Variants in SORL1 observed in about 807,000 individuals in gnomAD.
SORL1 encodes the protein sortilin related receptor 1, also known as sortilin-related receptor.
SORL1 carries 127 observed loss-of-function variants against 273.7 expected under a neutral mutation model. That is an observed-to-expected ratio of 0.46 (90% CI 0.40 to 0.54). The LOEUF (loss-of-function observed/expected upper bound fraction) is 0.54, where lower values mean the gene tolerates loss of function less well. Among genes scored for constraint, SORL1 ranks in the 20% least tolerant of loss-of-function variants. The probability of loss-of-function intolerance (pLI) is 0.00; values close to 1 mark genes in which losing one functional copy is unlikely to be tolerated. For synonymous variants in SORL1, 1,031 were observed against 1,067.4 expected (o/e 0.97, Z 0.66); for missense variants, 2,494 against 2,846.1 (o/e 0.88, Z 2.81).
At chr11:121,453,314 T>A (rs925644881) in intron 1 of SORL1, among the ~76,000 whole-genome samples, 9 of 152,170 alleles carry the variant, frequency 5.9e-5, no homozygotes, top group African/African-American at 1.9e-4. Context: ...GCATTATTAT[T>A]CTATAAGTGA....
chr11:121,576,838 G>A (rs1422224975), intron 24 of SORL1: 51 of 1,534,514 alleles, frequency 3.3e-5, no homozygotes, highest in Non-Finnish European at 4.2e-5. Flanking sequence ...GCATCTCACG[G>A]TGATCAGCTC....
intron 45 of SORL1, among the ~76,000 whole-genome samples, chr11:121,623,790 T>G (rs1316512573): frequency 6.6e-6 from 1 of 152,228 alleles, no homozygotes; most frequent in Non-Finnish European, 1.5e-5. Context: ...GTGGAGGGTC[T>G]GGCATAGGCA....
rs190695376 is a variant in SORL1, at chr11:121,513,878, C to T, written c.1042-274C>T. 2.1e-3 allele frequency among the ~76,000 whole-genome samples: 325 copies of T among 152,286 alleles called. 6 individuals are homozygous for T. Among genetic ancestry groups the T allele is most frequent in the Non-Finnish European group, 3.4e-4 (23 of 68,030 alleles). ...GGGAAAATGAGGGAGACATTATTAA[C>T]GGAAAGAGGTTTGTAGGTCATTTGT... is the stretch of plus-strand genomic sequence containing the variant. On this transcript the variant is annotated intron_variant, in intron 7 of 47. Transcript: ENST00000260197.
intron 27 of SORL1, among the ~76,000 whole-genome samples, chr11:121,587,744 G>T (rs1326448482): frequency 6.6e-6 from 1 of 152,152 alleles, no homozygotes; most frequent in African/African-American, 2.4e-5. Context: ...CATCAGCTGT[G>T]TACTCTTGGC....
intron 41 of SORL1, 109 bp from the exon 42 acceptor site, chr11:121,618,665 C>T (rs1863673910): frequency 3.4e-5 from 45 of 1,332,140 alleles, no homozygotes; most frequent in Middle Eastern, 2.0e-4. Flanking sequence ...ATGAAGACTT[C>T]TCTGTGAGCT....
rs368806137 is a variant in SORL1, at chr11:121,559,613, C to T, written c.3005C>T (p.Thr1002Met). Residue 1002 changes from threonine to methionine, a missense_variant, in exon 21 of 48, where the codon ACG (threonine) becomes ATG (methionine). Physicochemically the swap from Thr to Met is moderately conservative, Grantham distance 81. This residue lies in a region of SORL1 where 1,609 missense variants were observed against 1,816.4 expected (regional missense o/e 0.89). Coordinates refer to ENST00000260197, the MANE Select transcript of SORL1 (RefSeq NM_003105.6). The stretch of plus-strand genomic sequence containing the variant: ...ATGGAGATTCTGGCAAACCAGCTCA[C>T]GGGGCTCATGGACATGAAGATTTTC... Reference protein sequence around the residue: ...SQMEILANQLTGLMDMKIFYK... With the variant: ...SQMEILANQLMGLMDMKIFYK... 168 of 1,613,974 alleles carry T rather than the reference C, an allele frequency of 1.0e-4. No individual in the cohort carries two copies. The highest frequency in any genetic ancestry group is 1.1e-4 in the Non-Finnish European group (135 of 1,179,994).
At chr11:121,628,415 G>T (rs907360827) in intron 47 of SORL1, among the ~76,000 whole-genome samples, 3 of 152,136 alleles carry the variant, frequency 2.0e-5, no homozygotes, top group African/African-American at 4.8e-5. Context: ...TCCCTTGCAC[G>T]CTCAGTTCAC....
At chr11:121,532,689 T>A in intron 12 of SORL1, 137 bp downstream of exon 12, 3 of 404,592 alleles carry the variant, frequency 7.4e-6, no homozygotes, top group South Asian at 4.8e-5. Flanking sequence ...GAGTTAAACT[T>A]TTTTTTTTTT....
chr11:121,490,419 A>G (rs1861535174), intron 5 of SORL1, among the ~76,000 whole-genome samples: 2 of 4,034 alleles, frequency 5.0e-4, no homozygotes, highest in Non-Finnish European at 8.8e-4. Flanking sequence ...GCATCATATT[A>G]GAAGTGGGAG....
At position 121,595,641 on chromosome 11, in the gene SORL1, C is replaced by T. The variant is rs768288487; in HGVS notation, c.4388C>T (p.Ser1463Phe). The T allele has an allele frequency of 3.1e-6, 5 of 1,607,808 alleles. No homozygotes were observed. The African/African-American group carries it at 6.7e-5, about 21-fold the overall frequency. ...ATTTTAGCAAACGTCACTGCTGCCT[C>T]CACTCCCACCCAACTTGGGCGATGT... ...CPLLANVTAASTPTQLGRCDR... is the reference protein window; with the variant it reads ...CPLLANVTAAFTPTQLGRCDR... Residue 1463 changes from serine to phenylalanine, a missense_variant, in exon 32 of 48, where the codon TCC becomes TTC. Ser to Phe is a radical substitution (Grantham distance 155). Transcript: ENST00000260197. This position sits in a 1 kb window ranked among gnomAD's most constrained non-coding sequence, Gnocchi z 5.1.
chr11:121,543,212 G>GA (rs1247016589), intron 12 of SORL1, among the ~76,000 whole-genome samples: 1 of 150,070 alleles, frequency 6.7e-6, no homozygotes, highest in African/African-American at 2.5e-5. Flanking sequence ...AAAAAAAAAA[G>GA]AAAAAAATTT....
chr11:121,613,421 G>A (rs1863595827), intron 40 of SORL1, among the ~76,000 whole-genome samples: 1 of 152,198 alleles, frequency 6.6e-6, no homozygotes, highest in African/African-American at 2.4e-5. Flanking sequence ...TAACTGTTGA[G>A]AATGACTTGG....
chr11:121,591,531 GGA>G (rs1280653613), intron 31 of SORL1, among the ~76,000 whole-genome samples: 1 of 152,154 alleles, frequency 6.6e-6, no homozygotes, highest in Non-Finnish European at 1.5e-5. Context: ...TAAACTCTGG[GGA>G]GAGAGCCCAA....
At chr11:121,486,856 G>A (rs1326563147) in intron 3 of SORL1, among the ~76,000 whole-genome samples, 1 of 152,084 alleles carries the variant, frequency 6.6e-6, no homozygotes, top group Non-Finnish European at 1.5e-5. Flanking sequence ...AACTACCTGG[G>A]AGGCTGAGGT....
intron 1 of SORL1, among the ~76,000 whole-genome samples, chr11:121,453,497 A>T (rs1860846550): frequency 6.6e-6 from 1 of 152,160 alleles, no homozygotes; most frequent in Non-Finnish European, 1.5e-5. Flanking sequence ...TGCAGTTAAG[A>T]TTGACATCAG....
chr11:121,582,960 A>G (rs934893854), intron 25 of SORL1, among the ~76,000 whole-genome samples: 3 of 152,232 alleles, frequency 2.0e-5, no homozygotes, highest in South Asian at 4.1e-4. Context: ...TGGCTGCACC[A>G]GGTCCAGGAC....
At chr11:121,458,809 TGAGTTTCCTCC>T (rs1860947159) in intron 1 of SORL1, among the ~76,000 whole-genome samples, 2 of 152,244 alleles carry the variant, frequency 1.3e-5, no homozygotes, top group Admixed American at 6.5e-5. Context: ...GATCAAGATT[TGAGTTTCCTCC>T]TGTGTTATTG....
Position 121,496,851 on chromosome 11 carries a change from T to C in SORL1, c.759-18T>C. The C allele has an allele frequency of 6.5e-7, 1 of 1,531,886 alleles. No individual in the cohort carries two copies. Among genetic ancestry groups the C allele is most frequent in the Non-Finnish European group, 8.8e-7 (1 of 1,135,808 alleles). The allele number at this position is 1,531,886 out of a possible 1,614,324, so 94.9% of individuals were successfully genotyped here. A position where few individuals can be genotyped will look rare whatever the true frequency, so the allele number is the denominator to read the frequency against. ...TAAATGTGCAAATGATAACAACCTTTTTTTTTTTTTCTGCCAGGGGAATTG... is the reference window on the plus strand; with the variant it reads ...TAAATGTGCAAATGATAACAACCTTCTTTTTTTTTTCTGCCAGGGGAATTG... On this transcript the variant is annotated intron_variant, in intron 5 of 47. Transcript: ENST00000260197.
At position 121,605,501 on chromosome 11, in the gene SORL1, A is replaced by T; in HGVS notation, c.4878A>T (p.Lys1626Asn). ...VLKPDTTYQV[K>N]VQVQCLSKAH... ...AACCAGATACCACGTATCAGGTTAAAGTACAGGTTCAGTGTCTCAGCAAGG... is the reference window on the plus strand; with the variant it reads ...AACCAGATACCACGTATCAGGTTAATGTACAGGTTCAGTGTCTCAGCAAGG... Residue 1626 changes from lysine to asparagine, a missense_variant, in exon 35 of 48, where the codon AAA becomes AAT. Physicochemically the swap from Lys to Asn is moderately conservative, Grantham distance 94. Transcript: ENST00000260197. 1.2e-6 allele frequency: 2 copies of T among 1,614,220 alleles called. No individual in the cohort carries two copies. The highest frequency in any genetic ancestry group is 1.7e-6 in the Non-Finnish European group (2 of 1,180,020).
Sources: allele counts gnomAD v4.1 joint callset (sites outside exome capture counted in the v4.1 genomes callset), GRCh38; gene constraint gnomAD v4.1.1; regional missense constraint gnomAD v4.1.1; non-coding constraint Gnocchi (gnomAD v3.1); transcripts MANE v1.5; gene names NCBI Gene and HGNC (gene_info 2026-07-23, HGNC 2026-07-21).